Variants in MKLN1 observed in about 807,000 individuals in gnomAD.
The protein encoded by MKLN1 is muskelin 1, also known as muskelin.
A neutral mutation model predicts 99.0 loss-of-function variants in MKLN1; 18 were observed. The observed-to-expected ratio is 0.18, with a 90% CI of 0.13 to 0.27. MKLN1 has a LOEUF of 0.27. MKLN1 is among the 10% of genes least tolerant of loss of function. The pLI is 1.00. For missense variants in MKLN1, 621 were observed against 875.9 expected (o/e 0.71, Z 3.67); for synonymous variants, 288 against 293.2 (o/e 0.98, Z 0.18).
chr7:131,164,934 T>C (rs1041770336), intron 2 of MKLN1, among the ~76,000 whole-genome samples: 12 of 152,132 alleles, frequency 7.9e-5, no homozygotes, highest in Admixed American at 2.6e-4. Context: ...GCAACAACGA[T>C]GAACAAGACA....
chr7:131,442,974 CTTTTG>C (rs1471231657), intron 10 of MKLN1, among the ~76,000 whole-genome samples: 1 of 152,082 alleles, frequency 6.6e-6, no homozygotes, highest in African/African-American at 2.4e-5. Context: ...TGTAAATGTC[CTTTTG>C]TTTGTTTGTT....
chr7:131,111,433 A>G (rs1795197009), intron 1 of MKLN1, among the ~76,000 whole-genome samples: 1 of 152,224 alleles, frequency 6.6e-6, no homozygotes, highest in Admixed American at 6.5e-5. Flanking sequence ...CACTCAGACT[A>G]GACCAGTCAG....
At chr7:131,317,607 A>T (rs912104729) in intron 3 of MKLN1, among the ~76,000 whole-genome samples, 1 of 150,340 alleles carries the variant, frequency 6.7e-6, no homozygotes, top group Non-Finnish European at 1.5e-5. Context: ...ATATAATAAT[A>T]TTAACATTAA....
chr7:131,191,936 T>C (rs1307385241), intron 2 of MKLN1, among the ~76,000 whole-genome samples: 1 of 149,100 alleles, frequency 6.7e-6, no homozygotes, highest in Admixed American at 6.8e-5. Flanking sequence ...CCCAGGGTGG[T>C]CTTGAACTCC....
At chr7:131,386,678 G>A (rs550999784) in intron 2 of MKLN1, among the ~76,000 whole-genome samples, 17 of 152,318 alleles carry the variant, frequency 1.1e-4, no homozygotes, top group Non-Finnish European at 1.6e-4. Flanking sequence ...GGGTTGATTA[G>A]TAAATCTTTG....
At chr7:131,130,141 T>G (rs2116223437) in intron 1 of MKLN1, among the ~76,000 whole-genome samples, 1 of 152,320 alleles carries the variant, frequency 6.6e-6, no homozygotes, top group African/African-American at 2.4e-5. Flanking sequence ...GATTCAAATT[T>G]CAATGAGCTT....
At chr7:131,473,364 G>T (rs913507655) in intron 16 of MKLN1, among the ~76,000 whole-genome samples, 2 of 151,736 alleles carry the variant, frequency 1.3e-5, no homozygotes, top group African/African-American at 4.8e-5. Context: ...GTGTTTTTTA[G>T]ATTTTTTTTT....
chr7:131,420,108 G>A (rs1795145910), intron 8 of MKLN1, among the ~76,000 whole-genome samples: 2 of 151,926 alleles, frequency 1.3e-5, no homozygotes, highest in South Asian at 4.2e-4. Context: ...GTTGATGGGT[G>A]CAGTACACCA....
intron 10 of MKLN1, among the ~76,000 whole-genome samples, chr7:131,442,473 G>C (rs935081544): frequency 1.3e-5 from 2 of 152,094 alleles, no homozygotes; most frequent in African/African-American, 4.8e-5. Context: ...CTTGAACCTG[G>C]GAGGCAGAGG....
At chr7:131,230,024 G>C (rs1797218762) in intron 3 of MKLN1, among the ~76,000 whole-genome samples, 1 of 152,180 alleles carries the variant, frequency 6.6e-6, no homozygotes. Context: ...GTCCTGTGAT[G>C]CTATATTAGA....
intron 3 of MKLN1, among the ~76,000 whole-genome samples, chr7:131,311,572 G>C (rs991644036): frequency 3.9e-5 from 6 of 152,044 alleles, no homozygotes. Flanking sequence ...ACTTCCAGAG[G>C]TTCCTTTTGG....
At chr7:131,306,477 G>A (rs897334721) in intron 3 of MKLN1, among the ~76,000 whole-genome samples, 1 of 152,204 alleles carries the variant, frequency 6.6e-6, no homozygotes, top group Non-Finnish European at 1.5e-5. Flanking sequence ...TCCAGGCTGA[G>A]GTGGTCTCAG....
At chr7:131,272,034 G>A (rs926663124) in intron 3 of MKLN1, among the ~76,000 whole-genome samples, 6 of 152,194 alleles carry the variant, frequency 3.9e-5, no homozygotes, top group Admixed American at 3.9e-4. Flanking sequence ...CTCGTTAGTG[G>A]AATGTGAGCA....
chr7:131,287,232 T>G (rs1182433057), intron 3 of MKLN1, among the ~76,000 whole-genome samples: 1 of 152,272 alleles, frequency 6.6e-6, no homozygotes, highest in Non-Finnish European at 1.5e-5. Context: ...ATTCTCCATC[T>G]GGCTCCTGTC....
chr7:131,172,364 C>T (rs1466242366), intron 2 of MKLN1, among the ~76,000 whole-genome samples: 4 of 150,938 alleles, frequency 2.7e-5, no homozygotes, highest in Admixed American at 6.6e-5. Flanking sequence ...CACCCAGGCT[C>T]GAGTGCAGTG....
chr7:131,127,695 A>G (rs747116826), intron 1 of MKLN1, among the ~76,000 whole-genome samples: 1 of 152,196 alleles, frequency 6.6e-6, no homozygotes, highest in African/African-American at 2.4e-5. Context: ...CCTGGAGCAT[A>G]GTATGTGTCT....
rs192391624 is a variant in MKLN1 at position 131,290,429 on chromosome 7, C to G, written c.-178-84995C>G. ...TTGCAAATTTGTTTTTCACCTATCT[C>G]TCCCAACTAAAGGGTAAGCAAGGGC... On this transcript the variant is annotated intron_variant, in intron 3 of 7. Transcript: ENST00000416992. 1.3e-3 allele frequency among the ~76,000 whole-genome samples: 197 copies of G among 152,338 alleles called. 1 individual carries two copies. The highest frequency in any genetic ancestry group is 4.4e-3 in the African/African-American group (181 of 41,564).
chr7:131,410,767 T>C (rs1234993102), intron 6 of MKLN1, among the ~76,000 whole-genome samples: 1 of 152,204 alleles, frequency 6.6e-6, no homozygotes, highest in Admixed American at 6.5e-5. Context: ...TCCTAATCTT[T>C]AGTTATCCTT....
At chr7:131,379,876 C>T (rs1188518821) in intron 2 of MKLN1, among the ~76,000 whole-genome samples, 2 of 152,064 alleles carry the variant, frequency 1.3e-5, no homozygotes, top group East Asian at 3.9e-4. Context: ...GTGATGGGGC[C>T]AAGATTCAGA....
Sources: gnomAD v4.1 joint callset for allele counts (sites outside exome capture counted in the v4.1 genomes callset) on GRCh38, gnomAD v4.1.1 for gene constraint, MANE v1.5 for transcripts, NCBI Gene and HGNC (gene_info 2026-07-23, HGNC 2026-07-21) for gene names.